The following DOCK5 variants were observed in gnomAD, a reference collection of about 807,000 sequenced individuals.
DOCK5 encodes dedicator of cytokinesis 5.
A neutral mutation model predicts 251.8 loss-of-function variants in DOCK5; 142 were observed. That is an observed-to-expected ratio of 0.56 (90% confidence interval 0.49 to 0.65). The LOEUF is 0.65. Among genes scored for constraint, DOCK5 ranks in the 30% least tolerant of loss-of-function variants. DOCK5 has a pLI of 0.00. For missense variants in DOCK5, 2,111 were observed against 2,312.3 expected (o/e 0.91, Z 1.79); for synonymous variants, 842 against 835.5 (o/e 1.01, Z -0.13).
At chr8:25,305,707 C>CGAAA (rs1804900604) in intron 11 of DOCK5, among the ~76,000 whole-genome samples, 1 of 152,038 alleles carries the variant, frequency 6.6e-6, no homozygotes, top group South Asian at 2.1e-4. Flanking sequence ...AAATGCAAAT[C>CGAAA]GAAACATCAA....
In DOCK5 at chr8:25,390,204, A is replaced by G; in HGVS notation, c.4274-2A>G. On this transcript the variant is annotated splice_acceptor_variant, in intron 41 of 51. Transcript: ENST00000276440. LOFTEE classifies it high-confidence loss of function. Reference sequence around the variant, plus strand: ...CTCTCCTTTCCTTAACGAGCTCTTCAGACATGCAGTGCTTCACTGTAAAGC... The same window carrying G: ...CTCTCCTTTCCTTAACGAGCTCTTCGGACATGCAGTGCTTCACTGTAAAGC... The G allele has an allele frequency of 6.3e-7, 1 of 1,583,392 alleles. No homozygotes were observed. Among genetic ancestry groups the G allele is most frequent in the Non-Finnish European group, 8.6e-7 (1 of 1,164,088 alleles).
chr8:25,390,501 G>A (rs992003756), intron 42 of DOCK5, among the ~76,000 whole-genome samples: 1 of 152,144 alleles, frequency 6.6e-6, no homozygotes, highest in African/African-American at 2.4e-5. Flanking sequence ...CAAAACCAAA[G>A]CCTTACATTT....
At position 25,380,367 on chromosome 8, in the gene DOCK5, T is replaced by C; in HGVS notation, c.3999T>C (p.Phe1333=). The change falls in exon 39 of 52, where the codon TTT becomes TTC. Residue 1333 remains phenylalanine, a synonymous_variant. Transcript: ENST00000276440. ...CTGAGACTTACGAAAGCAAAGTATT[T>C]GACTACGAGGGCCTTGGCAACCTCC... ...ELAETYESKV[F]DYEGLGNLLK... 3.1e-6 allele frequency: 5 copies of C among 1,611,166 alleles called. No homozygotes were observed.
intron 13 of DOCK5, among the ~76,000 whole-genome samples, chr8:25,311,488 G>A (rs1321203686): frequency 4.7e-5 from 7 of 148,846 alleles, no homozygotes; most frequent in Admixed American, 2.0e-4. Flanking sequence ...GGTTGCAGTG[G>A]GCCGAGATCG....
chr8:25,321,106 C>T, intron 16 of DOCK5, 54 bp downstream of exon 16: 3 of 1,469,838 alleles, frequency 2.0e-6, no homozygotes, highest in Admixed American at 1.8e-5. Flanking sequence ...TTTGCTCTGG[C>T]TTGACAGCCA....
At chr8:25,229,107 A>C (rs1299049510) in intron 1 of DOCK5, among the ~76,000 whole-genome samples, 2 of 151,968 alleles carry the variant, frequency 1.3e-5, no homozygotes, top group African/African-American at 4.8e-5. Flanking sequence ...AGAATTTTAC[A>C]CTCAGTTGAA....
intron 37 of DOCK5, 66 bp downstream of exon 37, chr8:25,374,720 A>C: frequency 6.2e-7 from 1 of 1,612,458 alleles, no homozygotes; most frequent in Non-Finnish European, 8.5e-7. Context: ...TAAATTCTAT[A>C]CATTTCATGA....
At chr8:25,213,406 T>A (rs1031898759) in intron 1 of DOCK5, among the ~76,000 whole-genome samples, 2 of 148,872 alleles carry the variant, frequency 1.3e-5, no homozygotes, top group African/African-American at 4.9e-5. Context: ...CTAGGTTTCA[T>A]CCCCCTTCTG....
intron 1 of DOCK5, among the ~76,000 whole-genome samples, chr8:25,198,610 T>G (rs764404359): frequency 6.6e-5 from 10 of 152,124 alleles, no homozygotes; most frequent in Non-Finnish European, 1.5e-5. Flanking sequence ...AAGACTCAGT[T>G]GTCAAAATCT....
intron 1 of DOCK5, among the ~76,000 whole-genome samples, chr8:25,240,869 G>A (rs1162199970): frequency 4.6e-5 from 7 of 152,228 alleles, no homozygotes; most frequent in Non-Finnish European, 8.8e-5. Flanking sequence ...GTGCAAACAG[G>A]GCTGTGCTCC....
chr8:25,338,145 G>A (rs1330953164), intron 22 of DOCK5, among the ~76,000 whole-genome samples: 1 of 151,726 alleles, frequency 6.6e-6, no homozygotes, highest in African/African-American at 2.4e-5. Flanking sequence ...GGGCTCAAGC[G>A]ATCCTCCAAC....
intron 17 of DOCK5, 134 bp from the exon 18 acceptor site, chr8:25,325,230 G>T (rs1805533408): frequency 2.4e-6 from 2 of 843,570 alleles, no homozygotes; most frequent in South Asian, 3.7e-5. Flanking sequence ...GAGTATCTCA[G>T]AGGTGGAAGG....
Position 25,356,156 on chromosome 8 carries a change from C to T in DOCK5, c.2851-2807C>T, listed in dbSNP as rs527833473. ...CAGAGCTTTCAGTGAGCTGAGATCG[C>T]GCCACTGCACTCCAGCCTGGTGACA... On this transcript the variant is annotated intron_variant, in intron 27 of 51. Transcript: ENST00000276440. 4.0e-4 allele frequency among the ~76,000 whole-genome samples: 61 copies of T among 151,950 alleles called. 1 individual carries two copies. Among genetic ancestry groups the T allele is most frequent in the Non-Finnish European group, 4.1e-4 (28 of 67,962 alleles).
chr8:25,308,542 T>A (rs1805006282), intron 11 of DOCK5, among the ~76,000 whole-genome samples: 1 of 152,202 alleles, frequency 6.6e-6, no homozygotes, highest in South Asian at 2.1e-4. Flanking sequence ...TGCTAACCGT[T>A]GGTCACCAGT....
chr8:25,300,755 G>A, intron 9 of DOCK5, 98 bp downstream of exon 9: 2 of 1,289,932 alleles, frequency 1.6e-6, no homozygotes, highest in Admixed American at 2.3e-5. Flanking sequence ...AAAGATGAAA[G>A]GAAAAATCAT....
intron 45 of DOCK5, among the ~76,000 whole-genome samples, chr8:25,396,416 C>T (rs1196624835): frequency 6.6e-6 from 1 of 152,068 alleles, no homozygotes; most frequent in Non-Finnish European, 1.5e-5. Flanking sequence ...GTTGTATGGA[C>T]AACTGATGGC....
intron 48 of DOCK5, among the ~76,000 whole-genome samples, chr8:25,405,554 A>T (rs1801508606): frequency 6.6e-6 from 1 of 152,086 alleles, no homozygotes; most frequent in Non-Finnish European, 1.5e-5. Context: ...TGCAATCTTA[A>T]TTATTATAGA....
intron 10 of DOCK5, among the ~76,000 whole-genome samples, chr8:25,302,730 A>T (rs1402071596): frequency 2.0e-5 from 3 of 152,186 alleles, no homozygotes; most frequent in African/African-American, 4.8e-5. Flanking sequence ...TACTCGCCTT[A>T]AACAGGACGG....
intron 29 of DOCK5, among the ~76,000 whole-genome samples, 168 bp downstream of exon 29, chr8:25,363,309 C>T (rs1800720336): frequency 1.3e-5 from 2 of 152,284 alleles, no homozygotes; most frequent in South Asian, 4.1e-4. Context: ...CTTGATTTTC[C>T]CAGGGTAATT....
Sources: gnomAD v4.1 joint callset for allele counts (sites outside exome capture counted in the v4.1 genomes callset) on GRCh38, gnomAD v4.1.1 for gene constraint, MANE v1.5 for transcripts, NCBI Gene and HGNC (gene_info 2026-07-23, HGNC 2026-07-21) for gene names.